The following MYB variants were observed in gnomAD, a reference collection of about 807,000 sequenced individuals.
MYB encodes MYB proto-oncogene, transcription factor.
A neutral mutation model predicts 92.9 loss-of-function variants in MYB; 28 were observed. The ratio of observed to expected loss-of-function variants is 0.30; its 90% CI spans 0.22 to 0.41. The LOEUF (loss-of-function observed/expected upper bound fraction) is 0.41, where lower values mean the gene tolerates loss of function less well. Ranked by LOEUF, MYB falls within the 10% of genes least tolerant of loss-of-function variation. The pLI is 1.00. For synonymous variants in MYB, 295 were observed against 329.1 expected (o/e 0.90, Z 1.12); for missense variants, 679 against 929.3 (o/e 0.73, Z 3.50).
chr6:135,200,011 T>C (rs1343297002), intron 11 of MYB, 74 bp from the exon 12 acceptor site: 1 of 1,159,772 alleles, frequency 8.6e-7, no homozygotes, highest in Admixed American at 1.8e-5. Context: ...GGAAAAATGT[T>C]AAATGTAACA....
chr6:135,192,174 A>G, intron 5 of MYB, 150 bp from the exon 6 acceptor site: 1 of 642,778 alleles, frequency 1.6e-6, no homozygotes, highest in South Asian at 2.0e-5. Flanking sequence ...GCCTGATCTC[A>G]GAGGGTGGAG....
chr6:135,191,504 G>A (rs1002744100), intron 5 of MYB, among the ~76,000 whole-genome samples: 2 of 152,096 alleles, frequency 1.3e-5, no homozygotes, highest in Non-Finnish European at 1.5e-5. Context: ...ATTTTAAGAG[G>A]TTGGTAAAAA....
intron 15 of MYB, among the ~76,000 whole-genome samples, chr6:135,216,738 G>C (rs143904601): frequency 6.6e-6 from 1 of 152,254 alleles, no homozygotes. Flanking sequence ...TTTAAACTCT[G>C]TTGTCTTGTA....
At chr6:135,212,826 G>A (rs1302198399) in intron 15 of MYB, among the ~76,000 whole-genome samples, 2 of 152,196 alleles carry the variant, frequency 1.3e-5, no homozygotes, top group Non-Finnish European at 2.9e-5. Flanking sequence ...AGATATGTAT[G>A]ACAGTATTTA....
At position 135,197,165 on chromosome 6, in the gene MYB, G is replaced by T. The variant is rs373763391; in HGVS notation, c.1408G>T (p.Ala470Ser). The T allele has an allele frequency of 2.3e-5, 37 of 1,613,924 alleles. No individual in the cohort carries two copies. Among genetic ancestry groups the T allele is most frequent in the Non-Finnish European group, 3.1e-5 (36 of 1,179,876 alleles). Reference protein sequence around the residue: ...SLDPPKVLPPARHSTIPLVIL... With the variant: ...SLDPPKVLPPSRHSTIPLVIL... ...TGACCCACCCAAGGTCTTACCTCCT[G>T]CAAGGCACAGCACAATTCCACTGGT... Residue 470 changes from alanine to serine, a missense_variant, in exon 10 of 16, where the codon GCA becomes TCA. By Grantham distance (99) the Ala-to-Ser change is moderately conservative. Transcript: ENST00000341911.
At chr6:135,196,746 C>T in intron 9 of MYB, 1 of 1,517,426 alleles carries the variant, frequency 6.6e-7, no homozygotes, top group Non-Finnish European at 8.8e-7. Flanking sequence ...TCGGGAGGTC[C>T]CTGCAGCACA....
At chr6:135,197,695 T>C (rs1777523152) in intron 10 of MYB, among the ~76,000 whole-genome samples, 1 of 152,244 alleles carries the variant, frequency 6.6e-6, no homozygotes, top group Non-Finnish European at 1.5e-5. Context: ...TTTATTCTTA[T>C]GCGATTCACT....
chr6:135,200,935 T>C (rs973585779), intron 13 of MYB, among the ~76,000 whole-genome samples: 24 of 152,036 alleles, frequency 1.6e-4, no homozygotes, highest in African/African-American at 5.3e-4. Context: ...AAAAATTAGC[T>C]GGGTTTGGTG....
At chr6:135,201,039 A>G (rs1053638562) in intron 13 of MYB, among the ~76,000 whole-genome samples, 2 of 152,324 alleles carry the variant, frequency 1.3e-5, no homozygotes, top group African/African-American at 2.4e-5. Context: ...AGATCGTACC[A>G]CTGCACTCCA....
intron 9 of MYB, chr6:135,196,698 T>C (rs1273987618): frequency 7.1e-7 from 1 of 1,405,380 alleles, no homozygotes; most frequent in Admixed American, 2.1e-5. Context: ...CTAGAAAAGG[T>C]CTTCATTTTG....
At chr6:135,215,465 G>A (rs2128324194) in intron 15 of MYB, among the ~76,000 whole-genome samples, 1 of 152,246 alleles carries the variant, frequency 6.6e-6, no homozygotes, top group East Asian at 1.9e-4. Context: ...CTTGAGTATG[G>A]CGCCTAAATC....
chr6:135,186,062 G>A, intron 2 of MYB, 42 bp downstream of exon 2: 2 of 1,561,598 alleles, frequency 1.3e-6, no homozygotes, highest in Non-Finnish European at 1.8e-6. Flanking sequence ...TAGATAGAGT[G>A]TATAATTTAT....
chr6:135,182,403 G>C lies in MYB; in HGVS notation c.23+867G>C, dbSNP rs1050149692. 6.6e-6 allele frequency among the ~76,000 whole-genome samples: 1 copy of C among 152,112 alleles called. No individual in the cohort carries two copies. The highest frequency in any genetic ancestry group is 1.5e-5 in the Non-Finnish European group (1 of 68,006). Reference sequence around the variant, plus strand: ...AGCAGCACACGCCGGGGCTCCCTGCGAGCGGCGGGTGCCAGGGCTAGCTCG... The same window carrying C: ...AGCAGCACACGCCGGGGCTCCCTGCCAGCGGCGGGTGCCAGGGCTAGCTCG... On this transcript the variant is annotated intron_variant, in intron 1 of 15. Coordinates refer to ENST00000341911, the MANE Select transcript of MYB (RefSeq NM_001130173.2). This position sits in a 1 kb window ranked among gnomAD's most constrained non-coding sequence, Gnocchi z 5.6.
intron 15 of MYB, among the ~76,000 whole-genome samples, chr6:135,213,855 AG>A (rs1338553999): frequency 6.6e-6 from 1 of 152,232 alleles, no homozygotes; most frequent in Non-Finnish European, 1.5e-5. Context: ...AGCCTGGGCA[AG>A]GAGCAAGACC....
intron 5 of MYB, 116 bp from the exon 6 acceptor site, chr6:135,192,208 A>G: frequency 1.3e-6 from 1 of 795,788 alleles, no homozygotes; most frequent in East Asian, 2.6e-5. Context: ...TTAAAAAGAG[A>G]AAACAACTAA....
chr6:135,201,732 C>CCTGTGGCAGGT lies in MYB; in HGVS notation c.2053_2054insGTCTGTGGCAG (p.Asp685GlyfsTer15). ...TACCCAACTGTTCACGCAGACCTCG[C>CCTGTGGCAGGT]CTGTGGCAGATGCACCGGTAAGTAC... is the stretch of plus-strand genomic sequence containing the variant. On this transcript the variant is annotated frameshift_variant, in exon 14 of 16. Coordinates refer to ENST00000341911, the MANE Select transcript of MYB (RefSeq NM_001130173.2). LOFTEE classifies it high-confidence loss of function. The CCTGTGGCAGGT allele has an allele frequency of 6.7e-7, 1 of 1,503,380 alleles. No homozygotes were observed. The allele number at this position is 1,503,380 out of a possible 1,614,324, so 93.1% of individuals were successfully genotyped here.
Position 135,196,987 on chromosome 6 carries a change from C to A in MYB, c.1230C>A (p.Ser410Arg). The A allele has an allele frequency of 6.2e-7, 1 of 1,613,712 alleles. No homozygotes were observed. The highest frequency in any genetic ancestry group is 8.5e-7 in the Non-Finnish European group (1 of 1,179,758). ...ATTCTTCATCATGGTGTGATCTCAG[C>A]AGTTTTGAATTCTTTGAAGAAGCAG... Reference protein sequence around the residue: ...DSDSSSWCDLSSFEFFEEADF... With the variant: ...DSDSSSWCDLRSFEFFEEADF... The change falls in exon 10 of 16, where the codon AGC becomes AGA. Residue 410 changes from serine (S) to arginine (R), a missense_variant. Physicochemically the swap from Ser to Arg is moderately radical, Grantham distance 110 (BLOSUM62 -1). Around this residue, in one of 8 missense-constraint regions of MYB, gnomAD observed 402 missense variants for 434.2 expected, o/e 0.93. Coordinates refer to ENST00000341911, the MANE Select transcript of MYB (RefSeq NM_001130173.2).
At chr6:135,197,961 T>A (rs1012352544) in intron 10 of MYB, among the ~76,000 whole-genome samples, 2 of 152,248 alleles carry the variant, frequency 1.3e-5, no homozygotes, top group African/African-American at 4.8e-5. Flanking sequence ...ACAGCTTTTT[T>A]AAGGCATGAA....
rs1161119470 is a variant in MYB, at chr6:135,182,899, G to T, written c.23+1363G>T. ...AGAGGGCGACTTGGGGGAGCTCCGG[G>T]CTCCCTATGCCTACTCCGGAGCCTG... On this transcript the variant is annotated intron_variant, in intron 1 of 15. Transcript: ENST00000341911. The surrounding 1 kb of genome is among the most constrained non-coding windows in gnomAD (Gnocchi z 5.6). 6.6e-6 allele frequency among the ~76,000 whole-genome samples: 1 copy of T among 152,108 alleles called. No individual in the cohort carries two copies. Among genetic ancestry groups the T allele is most frequent in the Non-Finnish European group, 1.5e-5 (1 of 68,014 alleles).
Sources: allele counts gnomAD v4.1 joint callset (sites outside exome capture counted in the v4.1 genomes callset), GRCh38; gene constraint gnomAD v4.1.1; regional missense constraint gnomAD v4.1.1; non-coding constraint Gnocchi (gnomAD v3.1); transcripts MANE v1.5; gene names NCBI Gene and HGNC (gene_info 2026-07-23, HGNC 2026-07-21).